STRN3: variants seen among roughly 807,000 people sequenced by gnomAD.
STRN3 encodes the protein striatin 3.
In STRN3, 29 loss-of-function variants were observed where a neutral mutation model predicts 95.6. That is an observed-to-expected ratio of 0.30 (90% CI 0.23 to 0.41). The LOEUF (loss-of-function observed/expected upper bound fraction) is 0.41, where lower values mean the gene tolerates loss of function less well. STRN3 is among the 10% of genes least tolerant of loss of function. The probability of loss-of-function intolerance (pLI) is 1.00; values close to 1 mark genes in which losing one functional copy is unlikely to be tolerated. For missense variants in STRN3, 890 were observed against 972.1 expected (o/e 0.92, Z 1.12); for synonymous variants, 331 against 357.6 (o/e 0.93, Z 0.84).
At chr14:30,905,880 G>A (rs1896448458) in intron 14 of STRN3, among the ~76,000 whole-genome samples, 1 of 151,982 alleles carries the variant, frequency 6.6e-6, no homozygotes, top group South Asian at 2.1e-4. Context: ...CTAGTCTTTT[G>A]GCCAATTTGC....
At position 30,905,329 on chromosome 14, in the gene STRN3, T is replaced by C. The variant is rs1430995372; in HGVS notation, c.2029+89A>G. 2.6e-5 allele frequency: 33 copies of C among 1,267,350 alleles called. No homozygotes were observed. In the South Asian group the frequency reaches 3.6e-4, roughly 14 times the overall value. 78.5% of individuals were successfully genotyped at this position (1,267,350 alleles called of 1,614,324 possible). On this transcript the variant is annotated intron_variant, in intron 15 of 17. Coordinates refer to ENST00000357479, the MANE Select transcript of STRN3 (RefSeq NM_001083893.2). ...ATTATTTTGCCATCCTAAATTCAAATAGTGAAAATATGAAAATTAGCTAAA... is the reference window on the plus strand; with the variant it reads ...ATTATTTTGCCATCCTAAATTCAAACAGTGAAAATATGAAAATTAGCTAAA...
chr14:31,023,439 T>C (rs965616693), intron 1 of STRN3, among the ~76,000 whole-genome samples: 2 of 152,202 alleles, frequency 1.3e-5, no homozygotes, highest in Non-Finnish European at 2.9e-5. Flanking sequence ...AATCATACTG[T>C]AAAGTTCCTT....
chr14:30,916,236 T>C (rs1896734987), intron 9 of STRN3, among the ~76,000 whole-genome samples: 1 of 151,986 alleles, frequency 6.6e-6, no homozygotes, highest in Admixed American at 6.6e-5. Context: ...AAAATGTCAT[T>C]AGTAATTCAA....
chr14:30,981,238 C>A (rs1881382757), intron 1 of STRN3, among the ~76,000 whole-genome samples: 1 of 151,572 alleles, frequency 6.6e-6, no homozygotes, highest in African/African-American at 2.4e-5. Flanking sequence ...CCACTGGAGC[C>A]CAGGAGTTGG....
rs565390724 is a variant in STRN3, at chr14:30,955,332, A to G, written c.460+288T>C. ...AAAAACAATTAACTAAAATTTTAAA[A>G]TTTACTATAATACCTAACTTTGTTA... On this transcript the variant is annotated intron_variant, in intron 3 of 17. Coordinates refer to ENST00000357479, the MANE Select transcript of STRN3 (RefSeq NM_001083893.2). 2.6e-5 allele frequency among the ~76,000 whole-genome samples: 4 copies of G among 152,334 alleles called. No homozygotes were observed. The East Asian group carries it at 7.7e-4, about 29-fold the overall frequency.
At chr14:30,996,027 T>C (rs1882182752) in intron 1 of STRN3, among the ~76,000 whole-genome samples, 1 of 152,192 alleles carries the variant, frequency 6.6e-6, no homozygotes, top group African/African-American at 2.4e-5. Flanking sequence ...AGCTGCAGAG[T>C]TCCACATTGG....
intron 1 of STRN3, among the ~76,000 whole-genome samples, chr14:30,971,596 C>T (rs751435416): frequency 6.6e-5 from 10 of 152,142 alleles, no homozygotes; most frequent in Admixed American, 1.3e-4. Context: ...GCCTTAGACA[C>T]GATATTAGCA....
chr14:30,911,515 C>T (rs1896609158), intron 12 of STRN3, among the ~76,000 whole-genome samples: 3 of 151,994 alleles, frequency 2.0e-5, no homozygotes, highest in Non-Finnish European at 2.9e-5. Flanking sequence ...GTTGGCCAGG[C>T]TGGTCTCGAA....
chr14:30,918,297 A>G (rs1419092864), intron 9 of STRN3, among the ~76,000 whole-genome samples: 2 of 152,152 alleles, frequency 1.3e-5, no homozygotes, highest in African/African-American at 4.8e-5. Context: ...ACTTGAGGTC[A>G]GGAGTTCGAG....
chr14:30,911,913 T>C lies in STRN3; in HGVS notation c.1551-89A>G, dbSNP rs1263192436. ...GATATTAAATAGTCATTAGATCAAATGTGTGCATTAAAGACATGCAACAAT... is the reference window on the plus strand; with the variant it reads ...GATATTAAATAGTCATTAGATCAAACGTGTGCATTAAAGACATGCAACAAT... On this transcript the variant is annotated intron_variant, in intron 11 of 17. Coordinates refer to ENST00000357479, the MANE Select transcript of STRN3 (RefSeq NM_001083893.2). The C allele has an allele frequency of 3.8e-6, 6 of 1,560,578 alleles. No individual in the cohort carries two copies. The South Asian group carries it at 6.0e-5, about 16-fold the overall frequency.
chr14:31,022,384 A>C (rs1883546945), intron 1 of STRN3, among the ~76,000 whole-genome samples: 1 of 21,724 alleles, frequency 4.6e-5, no homozygotes, highest in South Asian at 6.5e-4. Context: ...CTCCATCTCA[A>C]AAAAAAAAAA....
At chr14:30,930,934 A>T (rs1878503741) in intron 7 of STRN3, among the ~76,000 whole-genome samples, 2 of 152,168 alleles carry the variant, frequency 1.3e-5, no homozygotes, top group South Asian at 4.1e-4. Flanking sequence ...CAGAGACCAA[A>T]AAAACCCTTA....
Position 30,895,671 on chromosome 14 carries a change from T to C in STRN3, c.2215A>G (p.Met739Val), listed in dbSNP as rs1896124496. ...LAVDPNGIYL[M>V]SGSHDCSIRL... is the part of the protein sequence containing the mutation. ...GGACTTTAAGACTTACTTCCAGACA[T>C]CAAATAGATTCCATTAGGATCTACT... The change falls in exon 17 of 18, where the codon ATG (methionine) becomes GTG (valine). Residue 739 changes from methionine (M) to valine (V), a missense_variant. Physicochemically the swap from Met to Val is conservative, Grantham distance 21 (BLOSUM62 1). Transcript: ENST00000357479. 2 of 1,613,552 alleles carry C rather than the reference T, an allele frequency of 1.2e-6. No individual in the cohort carries two copies. The highest frequency in any genetic ancestry group is 2.2e-5 in the South Asian group (2 of 90,942).
intron 1 of STRN3, among the ~76,000 whole-genome samples, chr14:31,023,769 G>C (rs1196178600): frequency 6.7e-6 from 1 of 149,392 alleles, no homozygotes; most frequent in African/African-American, 2.5e-5. Flanking sequence ...TAGACTGAAG[G>C]CACCTAAAGC....
chr14:30,927,265 T>C (rs967188809), intron 8 of STRN3, among the ~76,000 whole-genome samples: 1 of 152,142 alleles, frequency 6.6e-6, no homozygotes, highest in African/African-American at 2.4e-5. Flanking sequence ...CAGTGAGCTA[T>C]GATTTACACT....
intron 13 of STRN3, among the ~76,000 whole-genome samples, chr14:30,908,655 T>C (rs1431476718): frequency 6.6e-6 from 1 of 152,214 alleles, no homozygotes; most frequent in Non-Finnish European, 1.5e-5. Flanking sequence ...TCTTCTTTAG[T>C]GTGCGCTTCC....
chr14:30,980,002 C>T (rs1881309772), intron 1 of STRN3, among the ~76,000 whole-genome samples: 1 of 151,480 alleles, frequency 6.6e-6, no homozygotes, highest in Admixed American at 6.6e-5. Context: ...TAATCCCAAC[C>T]ACCTTGGGAG....
intron 1 of STRN3, among the ~76,000 whole-genome samples, chr14:30,959,202 T>A (rs1880065968): frequency 6.6e-6 from 1 of 152,096 alleles, no homozygotes; most frequent in African/African-American, 2.4e-5. Flanking sequence ...GGTGCACGCC[T>A]GTTATCCCAG....
chr14:30,967,114 G>T (rs991667514), intron 1 of STRN3, among the ~76,000 whole-genome samples: 4 of 151,792 alleles, frequency 2.6e-5, no homozygotes, highest in African/African-American at 9.7e-5. Context: ...AATTTCAAGG[G>T]TTGAACCTGA....
Sources: gnomAD v4.1 joint callset for allele counts (sites outside exome capture counted in the v4.1 genomes callset) on GRCh38, gnomAD v4.1.1 for gene constraint, MANE v1.5 for transcripts, NCBI Gene and HGNC (gene_info 2026-07-23, HGNC 2026-07-21) for gene names.